Variants in MAGI2 observed in about 807,000 individuals in gnomAD.
MAGI2 encodes the protein membrane-associated guanylate kinase, WW and PDZ domain-containing protein 2.
A neutral mutation model predicts 133.3 loss-of-function variants in MAGI2; 35 were observed. The observed-to-expected ratio is 0.26, with a 90% CI of 0.20 to 0.35. The LOEUF is 0.35. Ranked by LOEUF, MAGI2 falls within the 10% of genes least tolerant of loss-of-function variation. The probability of loss-of-function intolerance (pLI) is 1.00; values close to 1 mark genes in which losing one functional copy is unlikely to be tolerated. For synonymous variants in MAGI2, 729 were observed against 710.6 expected, an observed-to-expected ratio of 1.03 and a Z score of -0.41; for missense variants, 1,636 against 1,863.4, an observed-to-expected ratio of 0.88 and a Z score of 2.25.
intron 1 of MAGI2, among the ~76,000 whole-genome samples, chr7:79,417,716 A>T (rs190751298): frequency 3.9e-5 from 6 of 152,002 alleles, no homozygotes; most frequent in East Asian, 3.9e-4. Flanking sequence ...TCCAGGCTGC[A>T]GTTGTGACAT....
intron 6 of MAGI2, among the ~76,000 whole-genome samples, chr7:78,489,008 A>C (rs1793337153): frequency 6.6e-6 from 1 of 152,092 alleles, no homozygotes; most frequent in South Asian, 2.1e-4. Context: ...ATTGTGGTCA[A>C]ATAATAAATC....
At chr7:78,900,920 A>G (rs1448162224) in intron 2 of MAGI2, among the ~76,000 whole-genome samples, 1 of 152,120 alleles carries the variant, frequency 6.6e-6, no homozygotes, top group African/African-American at 2.4e-5. Flanking sequence ...GAGTCCCAGA[A>G]AATTCTAGAA....
At chr7:79,046,839 C>T (rs1055424830) in intron 1 of MAGI2, among the ~76,000 whole-genome samples, 11 of 152,150 alleles carry the variant, frequency 7.2e-5, no homozygotes, top group Non-Finnish European at 1.6e-4. Flanking sequence ...GTTAAATACT[C>T]TGAAGAAGAA....
chr7:78,447,453 G>A (rs1040526443), intron 6 of MAGI2, among the ~76,000 whole-genome samples: 2 of 151,640 alleles, frequency 1.3e-5, no homozygotes, highest in African/African-American at 4.8e-5. Context: ...ATTTTTGGTA[G>A]AAATTATCTG....
At chr7:79,097,661 T>C (rs1257361676) in intron 1 of MAGI2, among the ~76,000 whole-genome samples, 3 of 152,144 alleles carry the variant, frequency 2.0e-5, no homozygotes, top group Non-Finnish European at 4.4e-5. Context: ...GTACTGCATA[T>C]AGGAAAAACC....
intron 3 of MAGI2, among the ~76,000 whole-genome samples, chr7:78,579,392 A>G (rs1802607585): frequency 6.6e-6 from 1 of 152,188 alleles, no homozygotes; most frequent in Non-Finnish European, 1.5e-5. Flanking sequence ...CTGAAGACAA[A>G]CAAGAAGCAG....
intron 2 of MAGI2, among the ~76,000 whole-genome samples, chr7:78,772,719 A>G (rs1384693896): frequency 6.6e-6 from 1 of 152,216 alleles, no homozygotes; most frequent in Non-Finnish European, 1.5e-5. Flanking sequence ...AAGCTTTTAA[A>G]ATAAATTATA....
At chr7:78,224,449 T>C (rs1272980171) in intron 10 of MAGI2, among the ~76,000 whole-genome samples, 1 of 152,008 alleles carries the variant, frequency 6.6e-6, no homozygotes, top group African/African-American at 2.4e-5. Flanking sequence ...ACAGATCACT[T>C]GAGGTCAGGA....
chr7:78,879,626 A>G (rs956882314), intron 2 of MAGI2, among the ~76,000 whole-genome samples: 3 of 152,142 alleles, frequency 2.0e-5, no homozygotes, highest in African/African-American at 7.2e-5. Context: ...GTAGTGCCAT[A>G]AGCGCCAGGT....
At chr7:78,961,012 C>A (rs1562720424) in intron 2 of MAGI2, among the ~76,000 whole-genome samples, 3 of 152,076 alleles carry the variant, frequency 2.0e-5, no homozygotes, top group East Asian at 3.9e-4. Context: ...ATTTCCCTTG[C>A]CATCTTTCTA....
chr7:78,502,775 G>A (rs1794737230), intron 4 of MAGI2, among the ~76,000 whole-genome samples: 1 of 152,110 alleles, frequency 6.6e-6, no homozygotes, highest in African/African-American at 2.4e-5. Context: ...AACAGAAGTG[G>A]TAACAGGCTT....
At chr7:78,361,876 C>G (rs913339140) in intron 7 of MAGI2, among the ~76,000 whole-genome samples, 41 of 152,140 alleles carry the variant, frequency 2.7e-4, no homozygotes, top group African/African-American at 9.9e-4. Flanking sequence ...TGAAGTGTCT[C>G]CCAGCAGGAA....
intron 3 of MAGI2, among the ~76,000 whole-genome samples, chr7:78,584,834 G>A (rs1320019148): frequency 6.6e-6 from 1 of 152,130 alleles, no homozygotes; most frequent in East Asian, 1.9e-4. Context: ...TAATGTTAAT[G>A]GCTTAGCTGT....
chr7:79,428,927 G>T (rs1847584707), intron 1 of MAGI2, among the ~76,000 whole-genome samples: 1 of 151,852 alleles, frequency 6.6e-6, no homozygotes. Context: ...TAGCACTTTG[G>T]ATTTGTTTTA....
chr7:78,896,062 C>CT (rs1156913042), intron 2 of MAGI2, among the ~76,000 whole-genome samples: 1 of 152,108 alleles, frequency 6.6e-6, no homozygotes, highest in Non-Finnish European at 1.5e-5. Flanking sequence ...TCAATAAGAA[C>CT]TAACTTCTCA....
chr7:79,416,903 T>G (rs1348969106), intron 1 of MAGI2, among the ~76,000 whole-genome samples: 1 of 151,348 alleles, frequency 6.6e-6, no homozygotes, highest in Non-Finnish European at 1.5e-5. Flanking sequence ...CCTGAAAAAT[T>G]TTTGTATTTT....
chr7:79,078,613 A>G (rs981055128), intron 1 of MAGI2, among the ~76,000 whole-genome samples: 3 of 152,210 alleles, frequency 2.0e-5, no homozygotes, highest in Non-Finnish European at 4.4e-5. Flanking sequence ...GTTACCTGAC[A>G]TTTATTTTAA....
intron 2 of MAGI2, among the ~76,000 whole-genome samples, chr7:78,914,891 A>G (rs556880036): frequency 6.6e-6 from 1 of 152,286 alleles, no homozygotes; most frequent in South Asian, 2.1e-4. Flanking sequence ...CCTACAAGTT[A>G]AAGCAGAAGA....
intron 10 of MAGI2, among the ~76,000 whole-genome samples, chr7:78,240,603 G>C (rs1044503239): frequency 1.3e-5 from 2 of 152,196 alleles, no homozygotes; most frequent in African/African-American, 4.8e-5. Flanking sequence ...CATAGAAGTA[G>C]AAAGTAGAAT....
Sources: gnomAD v4.1 joint callset for allele counts (sites outside exome capture counted in the v4.1 genomes callset) on GRCh38, gnomAD v4.1.1 for gene constraint, MANE v1.5 for transcripts, NCBI Gene and HGNC (gene_info 2026-07-23, HGNC 2026-07-21) for gene names.